Variants in ITGAV observed in about 807,000 individuals in gnomAD.
The protein encoded by ITGAV is integrin subunit alpha V.
In ITGAV, 76 loss-of-function variants were observed where a neutral mutation model predicts 143.8. The observed-to-expected ratio is 0.53, with a 90% CI of 0.44 to 0.64. ITGAV has a LOEUF of 0.64. Among genes scored for constraint, ITGAV ranks in the 30% least tolerant of loss-of-function variants. ITGAV has a pLI of 0.00. For synonymous variants in ITGAV, 453 were observed against 446.7 expected (o/e 1.01, Z -0.18); for missense variants, 1,193 against 1,274.7 (o/e 0.94, Z 0.98).
At chr2:186,666,245 T>C (rs976197943) in intron 21 of ITGAV, among the ~76,000 whole-genome samples, 3 of 152,210 alleles carry the variant, frequency 2.0e-5, no homozygotes, top group Non-Finnish European at 2.9e-5. Flanking sequence ...GGGAGTGTTA[T>C]GAGAGGTGTG....
At position 186,659,629 on chromosome 2, in the gene ITGAV, G is replaced by C. The variant is rs1343317663; in HGVS notation, c.1857+454G>C. 5.3e-5 allele frequency among the ~76,000 whole-genome samples: 8 copies of C among 151,858 alleles called. No individual in the cohort carries two copies. The South Asian group carries it at 1.0e-3, about 20-fold the overall frequency. ...GTATTCTAGTTTTAGAAAATCTTAT[G>C]TGTAATGTATTTAAATATTGTTAAT... On this transcript the variant is annotated intron_variant, in intron 18 of 29. Coordinates refer to ENST00000261023, the MANE Select transcript of ITGAV (RefSeq NM_002210.5).
intron 2 of ITGAV, among the ~76,000 whole-genome samples, chr2:186,614,846 A>G (rs772085220): frequency 1.3e-5 from 2 of 151,942 alleles, no homozygotes; most frequent in Non-Finnish European, 2.9e-5. Flanking sequence ...TGTCCTTTTT[A>G]AAAACAGTTT....
At chr2:186,607,901 G>A (rs367700755) in intron 2 of ITGAV, among the ~76,000 whole-genome samples, 6 of 152,154 alleles carry the variant, frequency 3.9e-5, no homozygotes, top group African/African-American at 1.4e-4. Context: ...GTACCTGATA[G>A]GGATGTCATA....
intron 2 of ITGAV, among the ~76,000 whole-genome samples, chr2:186,616,410 C>G (rs1687363117): frequency 6.6e-6 from 1 of 150,824 alleles, no homozygotes; most frequent in Admixed American, 6.6e-5. Flanking sequence ...TCCCAAGCAG[C>G]TGGGACTACA....
At chr2:186,611,302 T>TTTCTGACACATAA (rs370185878) in intron 2 of ITGAV, among the ~76,000 whole-genome samples, 1 of 152,348 alleles carries the variant, frequency 6.6e-6, no homozygotes, top group African/African-American at 2.4e-5. Flanking sequence ...TATGTGTCAG[T>TTTCTGACACATAA]TTCTGGGAAT....
At chr2:186,677,063 A>G (rs1321263105) in intron 29 of ITGAV, 128 bp downstream of exon 29, 2 of 1,216,820 alleles carry the variant, frequency 1.6e-6, no homozygotes, top group African/African-American at 1.5e-5. Flanking sequence ...GATGAGCATT[A>G]CTTATTATAT....
intron 8 of ITGAV, 116 bp from the exon 9 acceptor site, chr2:186,638,161 T>C: frequency 1.2e-6 from 1 of 814,484 alleles, no homozygotes; most frequent in East Asian, 2.6e-5. Context: ...TCTAAATTGA[T>C]TGTTTGTTTT....
intron 2 of ITGAV, among the ~76,000 whole-genome samples, chr2:186,616,573 C>G (rs1330163293): frequency 2.0e-5 from 3 of 152,138 alleles, no homozygotes. Context: ...CCACCGCGCC[C>G]GGCCGATATA....
chr2:186,668,191 TATATATATATATATATATATATATA>T (rs1688955514), intron 24 of ITGAV, among the ~76,000 whole-genome samples: 1 of 14,460 alleles, frequency 6.9e-5, no homozygotes, highest in South Asian at 2.8e-3. Flanking sequence ...CATACATATA[TATATATATATATATATATATATATA>T]TTTTTTTTTT....
At chr2:186,646,044 G>T (rs994940254) in intron 12 of ITGAV, among the ~76,000 whole-genome samples, 1 of 152,114 alleles carries the variant, frequency 6.6e-6, no homozygotes, top group Non-Finnish European at 1.5e-5. Flanking sequence ...CTTGTCTAGG[G>T]TGGCAGCAGC....
At chr2:186,597,826 G>A (rs1360514284) in intron 1 of ITGAV, among the ~76,000 whole-genome samples, 2 of 152,160 alleles carry the variant, frequency 1.3e-5, no homozygotes, top group African/African-American at 4.8e-5. Flanking sequence ...AAGGGATCTA[G>A]GTTACATGCT....
chr2:186,607,550 T>C (rs550285243), intron 2 of ITGAV, among the ~76,000 whole-genome samples: 39 of 152,102 alleles, frequency 2.6e-4, no homozygotes, highest in Non-Finnish European at 4.9e-4. Flanking sequence ...AAGGAAGACA[T>C]AAAGCTTAGA....
chr2:186,676,173 T>C (rs1468467844), intron 28 of ITGAV: 4 of 321,850 alleles, frequency 1.2e-5, no homozygotes, highest in Non-Finnish European at 2.2e-5. Context: ...TACTAAATTA[T>C]ATTGGAGAAA....
intron 15 of ITGAV, among the ~76,000 whole-genome samples, chr2:186,652,356 A>AT (rs1056271810): frequency 1.9e-4 from 29 of 152,188 alleles, no homozygotes; most frequent in African/African-American, 7.0e-4. Context: ...TACCCAGCTA[A>AT]TTTTTTAAAT....
intron 2 of ITGAV, among the ~76,000 whole-genome samples, chr2:186,611,597 T>G (rs901290181): frequency 6.6e-6 from 1 of 152,166 alleles, no homozygotes; most frequent in African/African-American, 2.4e-5. Flanking sequence ...CTCTTGTTCT[T>G]TTTCCCTTGG....
intron 12 of ITGAV, among the ~76,000 whole-genome samples, chr2:186,642,749 C>CT (rs755822164): frequency 2.6e-5 from 4 of 151,796 alleles, no homozygotes; most frequent in Non-Finnish European, 4.4e-5. Flanking sequence ...AGGCTGGTCT[C>CT]TAACTCCTGA....
intron 2 of ITGAV, among the ~76,000 whole-genome samples, chr2:186,608,328 A>G (rs1439899036): frequency 6.6e-6 from 1 of 152,192 alleles, no homozygotes; most frequent in Non-Finnish European, 1.5e-5. Flanking sequence ...GAAGTCTGTA[A>G]TTGTATGAAA....
At chr2:186,607,759 G>C (rs1311223343) in intron 2 of ITGAV, among the ~76,000 whole-genome samples, 1 of 152,118 alleles carries the variant, frequency 6.6e-6, no homozygotes, top group East Asian at 1.9e-4. Context: ...TGCCAGTTTG[G>C]TCTTCCTTTA....
chr2:186,616,673 A>G (rs1173291555), intron 2 of ITGAV, among the ~76,000 whole-genome samples: 1 of 152,090 alleles, frequency 6.6e-6, no homozygotes, highest in East Asian at 1.9e-4. Context: ...AATTTCCCTT[A>G]TAGTATTTAT....
Sources: allele counts gnomAD v4.1 joint callset (sites outside exome capture counted in the v4.1 genomes callset), GRCh38; gene constraint gnomAD v4.1.1; transcripts MANE v1.5; gene names NCBI Gene and HGNC (gene_info 2026-07-23, HGNC 2026-07-21).